Variants in FANCA observed in about 807,000 individuals in gnomAD.
The protein encoded by FANCA is Fanconi anemia group A protein.
In FANCA, 236 loss-of-function variants were observed where a neutral mutation model predicts 194.3. The ratio of observed to expected loss-of-function variants is 1.21; its 90% confidence interval spans 1.09 to 1.35. The LOEUF is 1.35. FANCA is among the 40% of genes most tolerant of loss of function. The pLI, the probability that FANCA is intolerant of heterozygous loss-of-function variation, is 0.00. For missense variants in FANCA, 2,628 were observed against 1,813.9 expected (o/e 1.45, Z -8.15); for synonymous variants, 1,014 against 715.8 (o/e 1.42, Z -6.65).
chr16:89,813,600 T>G (rs1023382423), intron 3 of FANCA, among the ~76,000 whole-genome samples: 1 of 151,978 alleles, frequency 6.6e-6, no homozygotes, highest in Admixed American at 6.6e-5. Context: ...ACCCGGCTAA[T>G]TTTTGTGTTT....
intron 5 of FANCA, among the ~76,000 whole-genome samples, chr16:89,809,031 G>T (rs577190761): frequency 7.4e-4 from 112 of 151,730 alleles, no homozygotes; most frequent in African/African-American, 2.6e-3. Flanking sequence ...TCAGCCTCCT[G>T]AGTAGCTGGG....
intron 13 of FANCA, 87 bp downstream of exon 13, chr16:89,791,840 A>T (rs969465412): frequency 2.9e-5 from 44 of 1,540,464 alleles, no homozygotes; most frequent in Non-Finnish European, 3.9e-5. Flanking sequence ...CTTCACTGAG[A>T]GGCTCACCCA....
intron 11 of FANCA, among the ~76,000 whole-genome samples, chr16:89,794,597 G>T (rs2040181817): frequency 6.6e-6 from 1 of 152,134 alleles, no homozygotes; most frequent in African/African-American, 2.4e-5. Context: ...TGGTGGGGAT[G>T]CTGTTCAAAG....
intron 41 of FANCA, 22 bp downstream of exon 41, chr16:89,739,110 GT>G: frequency 6.2e-7 from 1 of 1,614,006 alleles, no homozygotes; most frequent in Non-Finnish European, 8.5e-7. Flanking sequence ...TCCCCTGGAG[GT>G]GGGACTGGCC....
At position 89,738,956 on chromosome 16, in the gene FANCA, T is replaced by G; in HGVS notation, c.4186A>C (p.Ile1396Leu). Residue 1396 changes from isoleucine to leucine, a missense_variant, in exon 42 of 43, where the codon ATA becomes CTA. Physicochemically the swap from Ile to Leu is conservative, Grantham distance 5. Coordinates refer to ENST00000389301, the MANE Select transcript of FANCA (RefSeq NM_000135.4). Reference protein sequence around the residue: ...LKGQGNPVELITKARLFLLQL... With the variant: ...LKGQGNPVELLTKARLFLLQL... Reference sequence around the variant, plus strand: ...AGCAGAAAAAGACGAGCTTTTGTTATCAGTTCCACGGGGTTGCCCTAGAGA... The same window carrying G: ...AGCAGAAAAAGACGAGCTTTTGTTAGCAGTTCCACGGGGTTGCCCTAGAGA... 3 of 1,614,250 alleles carry G rather than the reference T, an allele frequency of 1.9e-6. No individual in the cohort carries two copies. Among genetic ancestry groups the G allele is most frequent in the Non-Finnish European group, 2.5e-6 (3 of 1,180,050 alleles).
At chr16:89,797,086 G>A (rs1035006864) in intron 10 of FANCA, among the ~76,000 whole-genome samples, 1 of 152,200 alleles carries the variant, frequency 6.6e-6, no homozygotes, top group Non-Finnish European at 1.5e-5. Context: ...TGTGAACCCA[G>A]GGAGCGGAGC....
intron 32 of FANCA, 83 bp downstream of exon 32, chr16:89,749,647 C>T: frequency 6.6e-7 from 1 of 1,511,216 alleles, no homozygotes; most frequent in Non-Finnish European, 9.0e-7. Flanking sequence ...GAAACAAACT[C>T]ACTACAAAGA....
At position 89,808,347 on chromosome 16, in the gene FANCA, C is replaced by T. The variant is rs143314367; in HGVS notation, c.543G>A (p.Ala181=). 156 of 1,614,114 alleles carry T rather than the reference C, an allele frequency of 9.7e-5. No homozygotes were observed. The African/African-American group carries it at 1.5e-3, about 16-fold the overall frequency. ...TGCCTTGTACGTGAAGATGCCACACCGCTTCAAGCAACAAAGAACTCTGAA... is the reference window on the plus strand; with the variant it reads ...TGCCTTGTACGTGAAGATGCCACACTGCTTCAAGCAACAAAGAACTCTGAA... ...WKIQSSLLLE[A]VWHLHVQGIV... Residue 181 remains alanine (A), a synonymous_variant, in exon 6 of 43, where the codon GCG becomes GCA. Coordinates refer to ENST00000389301, the MANE Select transcript of FANCA (RefSeq NM_000135.4).
At chr16:89,804,354 A>G (rs2040560218) in intron 7 of FANCA, among the ~76,000 whole-genome samples, 1 of 152,200 alleles carries the variant, frequency 6.6e-6, no homozygotes, top group Admixed American at 6.5e-5. Context: ...AAAGAGTCTC[A>G]TCACTCAAAC....
chr16:89,738,648 G>A lies in FANCA; in HGVS notation c.4321C>T (p.Gln1441Ter), dbSNP rs937443966. The A allele has an allele frequency of 1.2e-6, 2 of 1,613,458 alleles. No homozygotes were observed. The highest frequency in any genetic ancestry group is 1.3e-5 in the African/African-American group (1 of 75,054). ...GACAGGTCAGCGTCAGGGGCAGCCT[G>A]CTGTCTGCTCTGGAGGGCGGCGCTC... is the stretch of plus-strand genomic sequence containing the variant. ...EVSAALQSRQQAAPDADLSQE... is the reference protein window; with the variant it reads ...EVSAALQSRQ Residue 1441 changes from glutamine to a stop codon, truncating the protein, a stop_gained, in exon 43 of 43, where the codon CAG becomes TAG. Coordinates refer to ENST00000389301, the MANE Select transcript of FANCA (RefSeq NM_000135.4). LOFTEE classifies it low-confidence loss of function (END_TRUNC).
chr16:89,741,713 T>C (rs1440029305), intron 37 of FANCA, among the ~76,000 whole-genome samples: 19 of 152,182 alleles, frequency 1.2e-4, no homozygotes, highest in South Asian at 6.2e-4. Flanking sequence ...TCCCTATGCC[T>C]ATGGCTGCAG....
intron 18 of FANCA, among the ~76,000 whole-genome samples, chr16:89,779,501 C>A (rs139810229): frequency 2.0e-5 from 3 of 152,096 alleles, no homozygotes; most frequent in African/African-American, 7.2e-5. Flanking sequence ...CCTCCCAGTG[C>A]AAGCTCCCCA....
At chr16:89,779,547 G>A (rs901473313) in intron 18 of FANCA, among the ~76,000 whole-genome samples, 2 of 152,148 alleles carry the variant, frequency 1.3e-5, no homozygotes, top group African/African-American at 4.8e-5. Context: ...AGCACGGGAG[G>A]GGCATCACCT....
intron 14 of FANCA, among the ~76,000 whole-genome samples, chr16:89,789,310 G>T (rs899215245): frequency 1.1e-3 from 60 of 56,458 alleles, no homozygotes; most frequent in Non-Finnish European, 1.5e-3. Context: ...AAGGCCTGGG[G>T]GGGGAGCAGG....
In FANCA at chr16:89,765,069, G is replaced by C. The variant is rs2143289922; in HGVS notation, c.2602-3C>G. 1.2e-6 allele frequency: 2 copies of C among 1,614,012 alleles called. No individual in the cohort carries two copies. The highest frequency in any genetic ancestry group is 3.3e-4 in the Middle Eastern group (2 of 6,062). On this transcript the variant is annotated splice_polypyrimidine_tract_variant and splice_region_variant and intron_variant, in intron 27 of 42. Transcript: ENST00000389301. The stretch of plus-strand genomic sequence containing the variant: ...AATCTGAACATGAGGAACTGAAACT[G>C]AAACAGAGAGTGACCCGGCCGTTTC...
At chr16:89,744,193 G>A (rs1295316416) in intron 36 of FANCA, among the ~76,000 whole-genome samples, 3 of 152,178 alleles carry the variant, frequency 2.0e-5, no homozygotes, top group African/African-American at 4.8e-5. Context: ...CCGCGCCGGG[G>A]CCCTCTTCTC....
At chr16:89,762,248 T>C (rs570416444) in intron 28 of FANCA, among the ~76,000 whole-genome samples, 4 of 152,312 alleles carry the variant, frequency 2.6e-5, no homozygotes, top group African/African-American at 9.6e-5. Context: ...AATCCTTCTT[T>C]CTAAGTATAA....
chr16:89,804,973 T>C (rs979579638), intron 7 of FANCA, among the ~76,000 whole-genome samples: 1 of 151,840 alleles, frequency 6.6e-6, no homozygotes, highest in African/African-American at 2.4e-5. Context: ...GAGGCGGAGG[T>C]TGCAGTGAGC....
intron 36 of FANCA, among the ~76,000 whole-genome samples, chr16:89,743,841 AAAC>A (rs1341290944): frequency 1.3e-5 from 2 of 152,168 alleles, no homozygotes; most frequent in African/African-American, 2.4e-5. Context: ...ACAAAACAAA[AAAC>A]AAAACTTCAG....
Sources: gnomAD v4.1 joint callset for allele counts (sites outside exome capture counted in the v4.1 genomes callset) on GRCh38, gnomAD v4.1.1 for gene constraint, MANE v1.5 for transcripts, NCBI Gene and HGNC (gene_info 2026-07-23, HGNC 2026-07-21) for gene names.